Variants in TAOK1 observed in about 807,000 individuals in gnomAD.
TAOK1 encodes TAO kinase 1.
Under a neutral mutation model 138.3 loss-of-function variants are expected in TAOK1, and 21 were observed. That is an observed-to-expected ratio of 0.15 (90% CI 0.11 to 0.22). TAOK1 has a LOEUF of 0.22. TAOK1 is among the 10% of genes least tolerant of loss of function. TAOK1 has a pLI of 1.00. For missense variants in TAOK1, 651 were observed against 1,227.7 expected (o/e 0.53, Z 7.02); for synonymous variants, 361 against 398.4 (o/e 0.91, Z 1.12).
At chr17:29,414,960 C>CT (rs541073288) in intron 1 of TAOK1, among the ~76,000 whole-genome samples, 137 of 151,494 alleles carry the variant, frequency 9.0e-4, no homozygotes, top group African/African-American at 1.2e-3. Flanking sequence ...CATTTTATAC[C>CT]TTTTTTTTGC....
At chr17:29,426,581 C>T (rs542655835) in intron 1 of TAOK1, among the ~76,000 whole-genome samples, 3 of 152,156 alleles carry the variant, frequency 2.0e-5, no homozygotes, top group East Asian at 1.9e-4. Context: ...GTCAAAGGGG[C>T]GAGTGAGGAC....
chr17:29,520,259 C>T (rs745811412), intron 16 of TAOK1, among the ~76,000 whole-genome samples: 3 of 151,458 alleles, frequency 2.0e-5, no homozygotes, highest in South Asian at 2.1e-4. Context: ...AGAATTAAGG[C>T]GTCACAAAGC....
chr17:29,517,404 G>A, intron 15 of TAOK1, 49 bp from the exon 16 acceptor site: 1 of 1,584,908 alleles, frequency 6.3e-7, no homozygotes, highest in Non-Finnish European at 8.6e-7. Context: ...ACAGGCGTGA[G>A]CCACCGTGCC....
chr17:29,507,818 A>C, intron 13 of TAOK1, 78 bp from the exon 14 acceptor site: 3 of 1,269,986 alleles, frequency 2.4e-6, no homozygotes, highest in Non-Finnish European at 3.3e-6. Context: ...CTACTTAGTT[A>C]ATATAGAATT....
At chr17:29,410,618 T>G (rs1465565715) in intron 1 of TAOK1, among the ~76,000 whole-genome samples, 1 of 119,282 alleles carries the variant, frequency 8.4e-6, no homozygotes, top group Non-Finnish European at 1.6e-5. Flanking sequence ...TAGGGTTTTT[T>G]GTTTTTTTTT....
At chr17:29,478,467 A>AT (rs944404760) in intron 6 of TAOK1, 120 bp downstream of exon 6, 3 of 584,898 alleles carry the variant, frequency 5.1e-6, no homozygotes, top group Non-Finnish European at 8.3e-6. Context: ...ATAAGCTCAT[A>AT]TTTTTTTAGA....
At chr17:29,540,121 A>T (rs1035805669) in intron 19 of TAOK1, among the ~76,000 whole-genome samples, 1 of 152,226 alleles carries the variant, frequency 6.6e-6, no homozygotes, top group Non-Finnish European at 1.5e-5. Flanking sequence ...AGAAATTACA[A>T]ACAGGCCAGG....
intron 1 of TAOK1, chr17:29,404,114 A>T (rs76752483): frequency 6.6e-6 from 1 of 151,540 alleles, no homozygotes; most frequent in Admixed American, 6.6e-5. Flanking sequence ...GATATGAAAT[A>T]TTTCTGTGTG....
At chr17:29,537,094 A>G (rs975218449) in intron 19 of TAOK1, among the ~76,000 whole-genome samples, 2 of 152,224 alleles carry the variant, frequency 1.3e-5, no homozygotes, top group African/African-American at 4.8e-5. Flanking sequence ...TAATATTTCA[A>G]GAATGGTGTT....
At chr17:29,486,890 A>C (rs923098473) in intron 8 of TAOK1, among the ~76,000 whole-genome samples, 2 of 152,192 alleles carry the variant, frequency 1.3e-5, no homozygotes, top group African/African-American at 4.8e-5. Context: ...GCATCTGTTT[A>C]AGCAGAGAGA....
rs996499526 is a variant in TAOK1 at position 29,390,724 on chromosome 17, C to A, written c.-395C>A. The A allele has an allele frequency of 6.6e-6, 1 of 152,342 alleles. No individual in the cohort carries two copies. The highest frequency in any genetic ancestry group is 2.4e-5 in the African/African-American group (1 of 41,396). 9.4% of individuals were successfully genotyped at this position (152,342 alleles called of 1,614,324 possible). On this transcript the variant is annotated 5_prime_UTR_variant, in exon 1 of 20. Transcript: ENST00000261716. ...GAGGCGGCCGAGGCCCGGGCCGGTT[C>A]CCCCGAGGCGGCGACGGAGACGGCT...
chr17:29,456,854 C>T (rs1469291640), intron 2 of TAOK1, among the ~76,000 whole-genome samples: 1 of 150,040 alleles, frequency 6.7e-6, no homozygotes, highest in Non-Finnish European at 1.5e-5. Context: ...CTGCGTCAGC[C>T]CCCCAAGTAG....
intron 7 of TAOK1, 66 bp downstream of exon 7, chr17:29,480,547 A>T: frequency 7.3e-7 from 1 of 1,365,012 alleles, no homozygotes; most frequent in Non-Finnish European, 1.0e-6. Flanking sequence ...TGAAATACAA[A>T]TGAAGTGTAA....
In TAOK1 at chr17:29,490,886, G is replaced by C. The variant is rs543787365; in HGVS notation, c.750-898G>C. 9.2e-5 allele frequency among the ~76,000 whole-genome samples: 14 copies of C among 152,262 alleles called. No individual in the cohort carries two copies. The East Asian group carries it at 2.3e-3, about 25-fold the overall frequency. On this transcript the variant is annotated intron_variant, in intron 9 of 19. Transcript: ENST00000261716. ...AAACATTGTGTCCTCACATGGCAGA[G>C]AGCAGGAGAGAGAGAACCCTCTCCC...
chr17:29,532,278 T>C (rs1044691888), intron 18 of TAOK1, among the ~76,000 whole-genome samples: 3 of 152,132 alleles, frequency 2.0e-5, no homozygotes, highest in Non-Finnish European at 4.4e-5. Context: ...GTCTTTGTTC[T>C]ATAGTTATTT....
intron 2 of TAOK1, among the ~76,000 whole-genome samples, chr17:29,451,923 AT>A (rs1164130607): frequency 6.6e-6 from 1 of 152,090 alleles, no homozygotes; most frequent in East Asian, 1.9e-4. Flanking sequence ...GAGAAAGAAT[AT>A]TATTTTGTGG....
chr17:29,474,764 CA>C (rs1259480573), intron 3 of TAOK1, among the ~76,000 whole-genome samples: 1 of 150,714 alleles, frequency 6.6e-6, no homozygotes, highest in East Asian at 1.9e-4. Context: ...AAAGGTGACA[CA>C]AAGACATCAA....
At position 29,542,890 on chromosome 17, in the gene TAOK1, C is replaced by T. The variant is rs1287433880; in HGVS notation, c.2874C>T (p.Ser958=). 1 of 1,613,972 alleles carries T rather than the reference C, an allele frequency of 6.2e-7. No individual in the cohort carries two copies. The highest frequency in any genetic ancestry group is 1.3e-5 in the African/African-American group (1 of 75,056). Residue 958 remains serine (S), a synonymous_variant, in exon 20 of 20, where the codon AGC becomes AGT. Transcript: ENST00000261716. ...CAATGCAAGGGGTACCTCGAGGTAGCAGTATGGGAGTCCGCAATAGCCCCC... is the reference window on the plus strand; with the variant it reads ...CAATGCAAGGGGTACCTCGAGGTAGTAGTATGGGAGTCCGCAATAGCCCCC... The part of the protein sequence containing the change: ...SGPMQGVPRG[S]SMGVRNSPQA...
At chr17:29,504,259 A>G (rs548748032) in intron 13 of TAOK1, among the ~76,000 whole-genome samples, 2 of 128,564 alleles carry the variant, frequency 1.6e-5, no homozygotes, top group African/African-American at 2.9e-5. Context: ...CCTGGGTGAC[A>G]GTGCCAGACC....
Sources: allele counts gnomAD v4.1 joint callset (sites outside exome capture counted in the v4.1 genomes callset), GRCh38; gene constraint gnomAD v4.1.1; transcripts MANE v1.5; gene names NCBI Gene and HGNC (gene_info 2026-07-23, HGNC 2026-07-21).